Variants in SLC35D1 observed in about 807,000 individuals in gnomAD.
The protein encoded by SLC35D1 is solute carrier family 35 member D1, also known as nucleotide sugar transporter SLC35D1.
A neutral mutation model predicts 46.7 loss-of-function variants in SLC35D1; 31 were observed. The ratio of observed to expected loss-of-function variants is 0.66; its 90% CI spans 0.50 to 0.90. SLC35D1 has a LOEUF of 0.90. SLC35D1 is among the 40% of genes least tolerant of loss of function. The pLI, the probability that SLC35D1 is intolerant of heterozygous loss-of-function variation, is 0.00. For missense variants in SLC35D1, 397 were observed against 426.2 expected (o/e 0.93, Z 0.60); for synonymous variants, 195 against 164.6 (o/e 1.18, Z -1.41).
chr1:67,005,302 G>A (rs1158327048), intron 11 of SLC35D1, among the ~76,000 whole-genome samples: 1 of 152,078 alleles, frequency 6.6e-6, no homozygotes, highest in Non-Finnish European at 1.5e-5. Context: ...CTAACCACTT[G>A]ACTCATGAAC....
chr1:66,986,633 A>C, the SLC35D1 span: 1 of 597,718 alleles, frequency 1.7e-6, no homozygotes, highest in Non-Finnish European at 2.9e-6. Context: ...TTTTTTCCCA[A>C]ACAGTGTTAA....
the SLC35D1 span, among the ~76,000 whole-genome samples, chr1:66,994,071 T>A: frequency 6.6e-6 from 1 of 152,090 alleles, no homozygotes; most frequent in Admixed American, 6.5e-5. Context: ...TTAAAAACAT[T>A]TAGGTTTGCA....
At chr1:67,016,707 CTATT>C (rs1201954213) in intron 10 of SLC35D1, among the ~76,000 whole-genome samples, 1 of 151,948 alleles carries the variant, frequency 6.6e-6, no homozygotes. Context: ...AATTTAAAAA[CTATT>C]TATAAATATT....
At chr1:67,031,980 A>C in intron 8 of SLC35D1, 13 of 823,012 alleles carry the variant, frequency 1.6e-5, no homozygotes, top group East Asian at 1.2e-4. Flanking sequence ...TTCTGCTTCT[A>C]GAGAAAGCTC....
intron 8 of SLC35D1, among the ~76,000 whole-genome samples, chr1:67,028,916 TTTC>T (rs1163598002): frequency 1.3e-5 from 2 of 152,328 alleles, no homozygotes; most frequent in African/African-American, 4.8e-5. Context: ...TTGTTATAGC[TTTC>T]TTTTCTCTTC....
intron 8 of SLC35D1, among the ~76,000 whole-genome samples, chr1:67,039,372 A>T (rs1240948485): frequency 6.6e-6 from 1 of 152,184 alleles, no homozygotes; most frequent in Non-Finnish European, 1.5e-5. Context: ...ATATAGAAAG[A>T]TGAATAGTTT....
chr1:67,021,910 A>G (rs1667814516), intron 8 of SLC35D1, among the ~76,000 whole-genome samples: 1 of 152,198 alleles, frequency 6.6e-6, no homozygotes, highest in South Asian at 2.1e-4. Context: ...TGGTGCAAAG[A>G]AACTGGTATT....
chr1:67,044,665 T>C (rs1159798423), intron 7 of SLC35D1, among the ~76,000 whole-genome samples: 7 of 152,342 alleles, frequency 4.6e-5, no homozygotes, highest in Admixed American at 3.3e-4. Context: ...CTACTACTTC[T>C]ATCATAAACA....
rs189548227 is a variant in SLC35D1 at position 67,052,885 on chromosome 1, G to A, written c.238-28C>T. On this transcript the variant is annotated intron_variant, in intron 2 of 11. Coordinates refer to ENST00000235345, the MANE Select transcript of SLC35D1 (RefSeq NM_015139.3). ...GTAAACAAGAGAACACAGATTCACT[G>A]TTCTACACATAAAGACACACACAGA... is the stretch of plus-strand genomic sequence containing the variant. 4.9e-4 allele frequency: 783 copies of A among 1,613,820 alleles called. 1 individual carries two copies. The highest frequency in any genetic ancestry group is 6.7e-4 in the Admixed American group (40 of 60,014).
At chr1:66,976,656 G>A in the SLC35D1 span, 1 of 1,606,940 alleles carries the variant, frequency 6.2e-7, no homozygotes, top group Non-Finnish European at 8.5e-7. Flanking sequence ...AAATCTGAAC[G>A]TTATGATTTC....
downstream of SLC35D1, among the ~76,000 whole-genome samples, chr1:66,994,857 T>C (rs1272711104): frequency 6.7e-6 from 1 of 149,556 alleles, no homozygotes; most frequent in African/African-American, 2.5e-5. Flanking sequence ...AATAAAATGC[T>C]TAATTAAAAA....
intron 6 of SLC35D1, among the ~76,000 whole-genome samples, chr1:67,048,492 A>G (rs961887508): frequency 5.3e-5 from 8 of 152,244 alleles, no homozygotes; most frequent in African/African-American, 1.7e-4. Flanking sequence ...CTATATAGCC[A>G]ATTTCTAGTA....
the SLC35D1 span, among the ~76,000 whole-genome samples, chr1:66,973,281 A>G: frequency 2.2e-4 from 34 of 152,090 alleles, no homozygotes; most frequent in African/African-American, 8.0e-4. Flanking sequence ...GCAATTCTTT[A>G]TAGCTGTTTT....
intron 8 of SLC35D1, among the ~76,000 whole-genome samples, chr1:67,035,089 T>G (rs566131677): frequency 1.2e-4 from 19 of 152,220 alleles, no homozygotes; most frequent in Admixed American, 9.8e-4. Context: ...GTTGAGGATT[T>G]CTCCACTACT....
At chr1:67,006,721 G>C (rs747674014) in intron 11 of SLC35D1, among the ~76,000 whole-genome samples, 11 of 152,090 alleles carry the variant, frequency 7.2e-5, no homozygotes, top group East Asian at 1.9e-4. Context: ...GTTAGGTCTT[G>C]GTTCAAATCC....
At chr1:67,032,358 T>C (rs1195424209) in intron 8 of SLC35D1, among the ~76,000 whole-genome samples, 2 of 152,106 alleles carry the variant, frequency 1.3e-5, no homozygotes, top group Non-Finnish European at 2.9e-5. Flanking sequence ...TATTTGAGGC[T>C]ATTTTGATAC....
At chr1:66,985,853 G>T in the SLC35D1 span, 1 of 828,300 alleles carries the variant, frequency 1.2e-6, no homozygotes. Flanking sequence ...TCTACTTAAG[G>T]GCAAGTAATT....
Position 67,042,292 on chromosome 1 carries a change from G to C in SLC35D1, c.673C>G (p.Leu225Val). 1 of 1,614,134 alleles carries C rather than the reference G, an allele frequency of 6.2e-7. No homozygotes were observed. Among genetic ancestry groups the C allele is most frequent in the Non-Finnish European group, 8.5e-7 (1 of 1,180,016 alleles). The change falls in exon 8 of 12, where the codon CTG becomes GTG. Residue 225 changes from leucine to valine, a missense_variant. Coordinates refer to ENST00000235345, the MANE Select transcript of SLC35D1 (RefSeq NM_015139.3). ...GKYGLLYYNA[L>V]FMILPTLAIA... is the part of the protein sequence containing the mutation. ...GCCAGGGTGGGCAGAATCATGAACA[G>C]TGCATTGTAATAGAGCAGTCCATAT...
At chr1:67,052,729 G>C in intron 3 of SLC35D1, 42 bp downstream of exon 3, 2 of 1,592,648 alleles carry the variant, frequency 1.3e-6, no homozygotes, top group Non-Finnish European at 1.7e-6. Flanking sequence ...AATACATACT[G>C]ACTTCATTTC....
Sources: gnomAD v4.1 joint callset for allele counts (sites outside exome capture counted in the v4.1 genomes callset) on GRCh38, gnomAD v4.1.1 for gene constraint, MANE v1.5 for transcripts, NCBI Gene and HGNC (gene_info 2026-07-23, HGNC 2026-07-21) for gene names.